The following UBE2L3 variants were observed in gnomAD, a reference collection of about 807,000 sequenced individuals.
The protein encoded by UBE2L3 is ubiquitin conjugating enzyme E2 L3.
Under a neutral mutation model 17.8 loss-of-function variants are expected in UBE2L3, and 1 was observed. The ratio of observed to expected loss-of-function variants is 0.06; its 90% CI spans 0.02 to 0.27. The LOEUF is 0.27. Among genes scored for constraint, UBE2L3 ranks in the 10% least tolerant of loss-of-function variants. UBE2L3 has a pLI of 1.00. For synonymous variants in UBE2L3, 44 were observed against 68.5 expected, an observed-to-expected ratio of 0.64 and a Z score of 1.76; for missense variants, 40 against 192.6, an observed-to-expected ratio of 0.21 and a Z score of 4.69.
chr22:21,602,143 G>T (rs1928901682), intron 2 of UBE2L3, among the ~76,000 whole-genome samples: 1 of 152,106 alleles, frequency 6.6e-6, no homozygotes, highest in Non-Finnish European at 1.5e-5. Context: ...TTCACTGGGT[G>T]AAAAAGGTTA....
chr22:21,602,080 A>G (rs1928898371), intron 2 of UBE2L3, among the ~76,000 whole-genome samples: 1 of 151,972 alleles, frequency 6.6e-6, no homozygotes, highest in African/African-American at 2.4e-5. Context: ...GGCAGCCCAC[A>G]GGGCTGGTCT....
At chr22:21,576,519 C>T (rs1039016648) in intron 1 of UBE2L3, among the ~76,000 whole-genome samples, 16 of 151,878 alleles carry the variant, frequency 1.1e-4, no homozygotes, top group South Asian at 2.1e-4. Flanking sequence ...AGGATGGTCT[C>T]GATCTCCTGA....
chr22:21,568,352 C>T lies in UBE2L3; in HGVS notation c.27+581C>T, dbSNP rs527257278. 4 of 985,456 alleles carry T rather than the reference C, an allele frequency of 4.1e-6. No individual in the cohort carries two copies. The South Asian group carries it at 1.4e-4, about 35-fold the overall frequency. 61.0% of individuals were successfully genotyped at this position (985,456 alleles called of 1,614,324 possible). A position where few individuals can be genotyped will look rare whatever the true frequency, so the allele number is the denominator to read the frequency against. ...GCGCTGGGTCCTAGCAAACTGTCGCCTTGTGACTGCAGAGTCACACAGCGG... is the reference window on the plus strand; with the variant it reads ...GCGCTGGGTCCTAGCAAACTGTCGCTTTGTGACTGCAGAGTCACACAGCGG... On this transcript the variant is annotated intron_variant, in intron 1 of 3. Coordinates refer to ENST00000342192, the MANE Select transcript of UBE2L3 (RefSeq NM_003347.4).
intron 2 of UBE2L3, among the ~76,000 whole-genome samples, chr22:21,604,964 A>G (rs1485235379): frequency 1.3e-5 from 2 of 152,138 alleles, no homozygotes; most frequent in Admixed American, 6.6e-5. Context: ...TTTTGGAAGA[A>G]AAAAGAGGCA....
At chr22:21,565,754 C>CAAAAA (rs131662), upstream of UBE2L3, among the ~76,000 whole-genome samples, 694 of 30,246 alleles carry the variant, frequency 0.023, 69 homozygotes, top group Middle Eastern at 0.071. Flanking sequence ...AACTGTGTCT[C>CAAAAA]AAAAAAAAAA....
At chr22:21,591,442 C>G (rs554943426) in intron 1 of UBE2L3, among the ~76,000 whole-genome samples, 2 of 152,312 alleles carry the variant, frequency 1.3e-5, no homozygotes, top group Non-Finnish European at 2.9e-5. Flanking sequence ...CTGTTGCCTG[C>G]TATGAAGCAC....
chr22:21,568,117 A>G, intron 1 of UBE2L3: 1 of 1,043,882 alleles, frequency 9.6e-7, no homozygotes, highest in South Asian at 4.2e-5. Flanking sequence ...GAGGCTCCAA[A>G]CCGGGCGCCT....
intron 1 of UBE2L3, among the ~76,000 whole-genome samples, chr22:21,569,433 C>A (rs547378889): frequency 5.4e-4 from 82 of 151,426 alleles, no homozygotes; most frequent in African/African-American, 1.9e-3. Context: ...GGAGTGCATG[C>A]CTTGCTTTCT....
intron 1 of UBE2L3, chr22:21,555,278 G>T (rs1175844291): frequency 6.6e-6 from 1 of 152,006 alleles, no homozygotes; most frequent in African/African-American, 2.4e-5. Flanking sequence ...CTTCCTGGGA[G>T]CAGGAAACCA....
intron 3 of UBE2L3, among the ~76,000 whole-genome samples, chr22:21,620,664 C>T (rs563476100): frequency 3.3e-5 from 5 of 152,250 alleles, no homozygotes; most frequent in South Asian, 2.1e-4. Context: ...GAGCCATCAG[C>T]GTGACATCTG....
intron 1 of UBE2L3, among the ~76,000 whole-genome samples, chr22:21,557,122 T>C (rs1053018685): frequency 5.9e-5 from 9 of 152,122 alleles, no homozygotes; most frequent in African/African-American, 2.2e-4. Context: ...TCCACCACTA[T>C]GGGAGGCTGA....
chr22:21,593,010 G>A, intron 2 of UBE2L3, 54 bp downstream of exon 2: 4 of 1,514,910 alleles, frequency 2.6e-6, no homozygotes. Flanking sequence ...GGTGATGTGT[G>A]TGCTGTTGGG....
chr22:21,591,675 G>A (rs1158066128), intron 1 of UBE2L3, among the ~76,000 whole-genome samples: 1 of 152,124 alleles, frequency 6.6e-6, no homozygotes, highest in Non-Finnish European at 1.5e-5. Flanking sequence ...TGGGCTTGAT[G>A]TGGGGGCTGA....
At chr22:21,577,149 T>C (rs1204614189) in intron 1 of UBE2L3, among the ~76,000 whole-genome samples, 1 of 151,908 alleles carries the variant, frequency 6.6e-6, no homozygotes, top group Non-Finnish European at 1.5e-5. Context: ...TTTGTATTTT[T>C]AGTAGAAACG....
chr22:21,591,790 A>G (rs1186243330), intron 1 of UBE2L3, among the ~76,000 whole-genome samples: 2 of 152,190 alleles, frequency 1.3e-5, no homozygotes, highest in African/African-American at 4.8e-5. Flanking sequence ...GGCAGGGCTC[A>G]GCTGGATGGT....
chr22:21,577,995 T>G (rs1927406649), intron 1 of UBE2L3, among the ~76,000 whole-genome samples: 1 of 151,632 alleles, frequency 6.6e-6, no homozygotes, highest in Non-Finnish European at 1.5e-5. Flanking sequence ...AACTCAGAGG[T>G]TGAATAGCCT....
At chr22:21,557,161 T>C (rs1926260931) in intron 1 of UBE2L3, among the ~76,000 whole-genome samples, 1 of 152,250 alleles carries the variant, frequency 6.6e-6, no homozygotes, top group African/African-American at 2.4e-5. Flanking sequence ...GCTCAGGAGT[T>C]CAAGACCAGC....
intron 1 of UBE2L3, among the ~76,000 whole-genome samples, chr22:21,559,315 T>A (rs1926347914): frequency 6.6e-6 from 1 of 151,018 alleles, no homozygotes; most frequent in Non-Finnish European, 1.5e-5. Context: ...GCCACTGCAC[T>A]CCAGCCTGGG....
chr22:21,557,448 A>G (rs868138625), intron 1 of UBE2L3, among the ~76,000 whole-genome samples: 7 of 152,258 alleles, frequency 4.6e-5, no homozygotes, highest in Non-Finnish European at 8.8e-5. Flanking sequence ...CAGAAATACC[A>G]TAGGCCTGTT....
Sources: allele counts gnomAD v4.1 joint callset (sites outside exome capture counted in the v4.1 genomes callset), GRCh38; gene constraint gnomAD v4.1.1; transcripts MANE v1.5; gene names NCBI Gene and HGNC (gene_info 2026-07-23, HGNC 2026-07-21).